BCLAF3: variants seen among roughly 807,000 people sequenced by gnomAD.
BCLAF3 encodes the protein BCLAF1 and THRAP3 family member 3, also known as transient octamer binding factor 1.
BCLAF3 carries 24 observed loss-of-function variants against 51.2 expected under a neutral mutation model. The ratio of observed to expected loss-of-function variants is 0.47; its 90% CI spans 0.34 to 0.66. The LOEUF (loss-of-function observed/expected upper bound fraction) is 0.66, where lower values mean the gene tolerates loss of function less well. BCLAF3 is among the 30% of genes least tolerant of loss of function. BCLAF3 has a pLI of 0.01. For missense variants in BCLAF3, 465 were observed against 525.1 expected, an observed-to-expected ratio of 0.89 and a Z score of 1.12; for synonymous variants, 152 against 176.6, an observed-to-expected ratio of 0.86 and a Z score of 1.10.
At chrX:19,919,104 T>C (rs1401869637) in intron 11 of BCLAF3, among the ~76,000 whole-genome samples, 1 of 111,334 alleles carries the variant, frequency 9.0e-6, no homozygotes, top group Admixed American at 9.6e-5. Context: ...ATCTATAATT[T>C]GCACACCTCC....
In BCLAF3 at chrX:19,917,464, G is replaced by A. The variant is rs140529791; in HGVS notation, c.2107-130C>T. ...GTTACTTGCACCCCGAGATTCCCAC[G>A]AAGGCATGTGGAACCCCAAAGGCGC... On this transcript the variant is annotated intron_variant, in intron 11 of 11. Transcript: ENST00000379682. The A allele has an allele frequency of 5.4e-3, 2,918 of 537,118 alleles. 80 individuals are homozygous for A. In the African/African-American group the frequency reaches 0.061, roughly 11 times the overall value. 44.3% of individuals were successfully genotyped at this position (537,118 alleles called of 1,213,427 possible).
At chrX:19,988,465 A>T in intron 1 of BCLAF3, among the ~76,000 whole-genome samples, 1 of 111,745 alleles carries the variant, frequency 8.9e-6, no homozygotes, top group Non-Finnish European at 1.9e-5. Context: ...TGTGCTCTGA[A>T]ATTTCTACCA....
intron 4 of BCLAF3, among the ~76,000 whole-genome samples, chrX:19,960,008 C>A (rs1397401068): frequency 5.4e-5 from 6 of 110,661 alleles, no homozygotes; most frequent in Non-Finnish European, 1.1e-4. Flanking sequence ...GTTTCCCAGG[C>A]TAGTCTCAAA....
intron 1 of BCLAF3, among the ~76,000 whole-genome samples, chrX:19,983,111 C>T (rs113354530): frequency 9.4e-6 from 1 of 106,108 alleles, no homozygotes; most frequent in Admixed American, 1.0e-4. Context: ...TGCAGCACCA[C>T]GCCCAGCTAA....
chrX:19,981,510 G>A (rs1231280708), intron 1 of BCLAF3, among the ~76,000 whole-genome samples: 1 of 111,820 alleles, frequency 8.9e-6, no homozygotes, highest in Non-Finnish European at 1.9e-5. Context: ...GTAGCCACTT[G>A]GAAAAGTTTG....
Position 19,935,803 on chromosome X carries a change from C to T in BCLAF3, c.1950+6G>A. 1.7e-6 allele frequency: 2 copies of T among 1,192,510 alleles called. No individual in the cohort carries two copies. The highest frequency in any genetic ancestry group is 2.3e-6 in the Non-Finnish European group (2 of 878,594). ...CTGGAATTAAATGGAAAACAACACT[C>T]AATACCTTAAAAGGTCTTACTCTTG... On this transcript the variant is annotated splice_donor_region_variant and intron_variant, in intron 10 of 11. Transcript: ENST00000379682.
chrX:19,971,076 A>G (rs1229142597), intron 1 of BCLAF3, among the ~76,000 whole-genome samples: 3 of 112,332 alleles, frequency 2.7e-5, no homozygotes, highest in Non-Finnish European at 3.8e-5. Context: ...TCTAAGAATT[A>G]TAATTTCTTC....
At chrX:19,978,177 T>C (rs889332791) in intron 1 of BCLAF3, among the ~76,000 whole-genome samples, 6 of 112,371 alleles carry the variant, frequency 5.3e-5, no homozygotes, top group African/African-American at 1.9e-4. Context: ...TAATTTTGAC[T>C]TTCAAGTCTT....
At chrX:19,928,869 A>G (rs2070449205) in intron 11 of BCLAF3, 1 of 111,741 alleles carries the variant, frequency 8.9e-6, no homozygotes, top group African/African-American at 3.3e-5. Context: ...GGCATCTAAA[A>G]AAAAAGTCAA....
At chrX:19,972,055 A>G (rs1379108043) in intron 1 of BCLAF3, among the ~76,000 whole-genome samples, 1 of 112,478 alleles carries the variant, frequency 8.9e-6, no homozygotes, top group Admixed American at 9.4e-5. Flanking sequence ...AGTACAATCA[A>G]TTCAATTCAT....
At chrX:19,927,975 A>C (rs1222355192) in intron 11 of BCLAF3, among the ~76,000 whole-genome samples, 1 of 107,910 alleles carries the variant, frequency 9.3e-6, no homozygotes, top group African/African-American at 3.4e-5. Context: ...TCCTAGGCTC[A>C]AGTGGTCCTT....
chrX:19,968,450 G>A (rs2072133169), intron 2 of BCLAF3, among the ~76,000 whole-genome samples: 1 of 112,841 alleles, frequency 8.9e-6, no homozygotes, highest in Admixed American at 9.3e-5. Context: ...TTTATCTGCA[G>A]CCCCTGATAA....
At chrX:19,925,074 G>A (rs1275781439) in intron 11 of BCLAF3, among the ~76,000 whole-genome samples, 7 of 111,698 alleles carry the variant, frequency 6.3e-5, no homozygotes, top group East Asian at 2.8e-4. Context: ...AAGAATTTCC[G>A]TTCTGTACTT....
chrX:19,947,285 G>C (rs974753343), intron 8 of BCLAF3, among the ~76,000 whole-genome samples: 5 of 112,090 alleles, frequency 4.5e-5, no homozygotes, highest in Admixed American at 2.8e-4. Flanking sequence ...ATTCTTGGCA[G>C]TTTGATGTCC....
chrX:19,950,955 C>T, intron 7 of BCLAF3, 87 bp from the exon 8 acceptor site: 1 of 586,544 alleles, frequency 1.7e-6, no homozygotes, highest in Admixed American at 2.6e-5. Context: ...ATTACAAGTC[C>T]TAGATAAGTT....
intron 1 of BCLAF3, among the ~76,000 whole-genome samples, chrX:19,982,577 A>G (rs918742535): frequency 9.2e-6 from 1 of 108,124 alleles, no homozygotes; most frequent in East Asian, 2.8e-4. Flanking sequence ...ACACACACAC[A>G]CACACACGCA....
chrX:19,960,920 G>A (rs1603326648), intron 4 of BCLAF3, among the ~76,000 whole-genome samples: 1 of 112,148 alleles, frequency 8.9e-6, no homozygotes, highest in Middle Eastern at 4.6e-3. Context: ...CATCAACTCT[G>A]ATAGCCATGA....
intron 10 of BCLAF3, among the ~76,000 whole-genome samples, chrX:19,931,440 T>G (rs1018655092): frequency 8.9e-6 from 1 of 111,972 alleles, no homozygotes; most frequent in African/African-American, 3.2e-5. Flanking sequence ...CTTAAAAACT[T>G]AGCTACTTGC....
intron 1 of BCLAF3, among the ~76,000 whole-genome samples, chrX:19,985,447 G>A (rs1252144967): frequency 1.8e-5 from 2 of 109,729 alleles, no homozygotes; most frequent in Non-Finnish European, 3.8e-5. Flanking sequence ...TTAGCTAGGC[G>A]TGGTGGCACA....
Sources: allele counts gnomAD v4.1 joint callset (sites outside exome capture counted in the v4.1 genomes callset), GRCh38; gene constraint gnomAD v4.1.1; transcripts MANE v1.5; gene names NCBI Gene and HGNC (gene_info 2026-07-23, HGNC 2026-07-21).